PRPF40B: variants seen among roughly 807,000 people sequenced by gnomAD.
PRPF40B encodes the protein pre-mRNA-processing factor 40 homolog B.
In PRPF40B, 56 loss-of-function variants were observed where a neutral mutation model predicts 124.5. The ratio of observed to expected loss-of-function variants is 0.45; its 90% CI spans 0.36 to 0.56. The LOEUF is 0.56. PRPF40B is among the 20% of genes least tolerant of loss of function. PRPF40B has a pLI of 0.00. For missense variants in PRPF40B, 1,053 were observed against 1,169.5 expected (o/e 0.90, Z 1.45); for synonymous variants, 443 against 426.4 (o/e 1.04, Z -0.48).
intron 24 of PRPF40B, 22 bp downstream of exon 24, chr12:49,643,774 T>C: frequency 6.2e-7 from 1 of 1,613,716 alleles, no homozygotes; most frequent in Non-Finnish European, 8.5e-7. Flanking sequence ...AACTTCTACC[T>C]AAGCCCCTGC....
At chr12:49,625,434 G>A (rs1318856438) in intron 1 of PRPF40B, among the ~76,000 whole-genome samples, 1 of 152,238 alleles carries the variant, frequency 6.6e-6, no homozygotes, top group Admixed American at 6.5e-5. Context: ...ATGAGTGTTT[G>A]ACACAGTATC....
At chr12:49,629,639 T>C (rs1941043184) in intron 1 of PRPF40B, among the ~76,000 whole-genome samples, 1 of 152,202 alleles carries the variant, frequency 6.6e-6, no homozygotes, top group African/African-American at 2.4e-5. Context: ...GTTATTACAC[T>C]CTTGTTGGGG....
chr12:49,628,585 A>T (rs1200269864), intron 1 of PRPF40B, among the ~76,000 whole-genome samples: 1 of 114,968 alleles, frequency 8.7e-6, no homozygotes, highest in African/African-American at 3.4e-5. Flanking sequence ...TTTTTTGGAG[A>T]CGAAATCTCG....
chr12:49,634,261 G>A, intron 10 of PRPF40B, 71 bp from the exon 11 acceptor site: 10 of 1,609,904 alleles, frequency 6.2e-6, no homozygotes, highest in Non-Finnish European at 7.6e-6. Context: ...GTGATATGTT[G>A]CCAGGAGTTC....
chr12:49,635,405 G>A lies in PRPF40B; in HGVS notation c.1207G>A (p.Val403Met). 1 of 1,614,094 alleles carries A rather than the reference G, an allele frequency of 6.2e-7. No individual in the cohort carries two copies. Among genetic ancestry groups the A allele is most frequent in the Non-Finnish European group, 8.5e-7 (1 of 1,179,998 alleles). Residue 403 changes from valine (V) to methionine (M), a missense_variant, in exon 14 of 26, where the codon GTG becomes ATG. Val to Met is a conservative substitution (Grantham distance 21). This residue lies in a region of PRPF40B where 895 missense variants were observed against 1,052.2 expected (regional missense o/e 0.85). Coordinates refer to ENST00000548825, the MANE Select transcript of PRPF40B (RefSeq NM_001031698.3). This position sits in a 1 kb window ranked among gnomAD's most constrained non-coding sequence, Gnocchi z 4.1. ...QTFGELEVWA[V>M]VPERDRKEVY... ...CTTTGGGGAGCTGGAGGTCTGGGCT[G>A]TGGTCCCTGAGAGGGATCGAAAAGA... is the stretch of plus-strand genomic sequence containing the variant.
intron 1 of PRPF40B, among the ~76,000 whole-genome samples, chr12:49,628,455 C>T (rs148653763): frequency 1.3e-3 from 197 of 152,130 alleles, no homozygotes; most frequent in African/African-American, 4.3e-3. Context: ...GAGGTTTCAC[C>T]ATGTTGGCCA....
At position 49,644,396 on chromosome 12, in the gene PRPF40B, T is replaced by A. The variant is rs544813345; in HGVS notation, c.*204T>A. Reference sequence around the variant, plus strand: ...CTACTCCCTGGACTAGTGCAGTCCTTGCCCTCAGCCCCAGACCAGAGATGG... The same window carrying A: ...CTACTCCCTGGACTAGTGCAGTCCTAGCCCTCAGCCCCAGACCAGAGATGG... On this transcript the variant is annotated 3_prime_UTR_variant, in exon 26 of 26. Coordinates refer to ENST00000548825, the MANE Select transcript of PRPF40B (RefSeq NM_001031698.3). 1 of 605,314 alleles carries A rather than the reference T, an allele frequency of 1.7e-6. No homozygotes were observed. The highest frequency in any genetic ancestry group is 1.8e-5 in the African/African-American group (1 of 54,256). 37.5% of individuals were successfully genotyped at this position (605,314 alleles called of 1,614,324 possible). A position where few individuals can be genotyped will look rare whatever the true frequency, so the allele number is the denominator to read the frequency against.
At chr12:49,626,312 T>TATAC in intron 1 of PRPF40B, among the ~76,000 whole-genome samples, 1 of 152,194 alleles carries the variant, frequency 6.6e-6, no homozygotes, top group South Asian at 2.1e-4. Context: ...GGGGGAGGTA[T>TATAC]AAAAGGAGAA....
intron 24 of PRPF40B, 37 bp downstream of exon 24, chr12:49,643,789 T>C (rs778972841): frequency 6.2e-7 from 1 of 1,613,670 alleles, no homozygotes; most frequent in South Asian, 1.1e-5. Context: ...CCCTGCTATT[T>C]TGTGAGTTCT....
intron 15 of PRPF40B, 135 bp from the exon 16 acceptor site, chr12:49,636,581 C>T (rs1941834770): frequency 1.7e-6 from 2 of 1,174,422 alleles, no homozygotes; most frequent in Non-Finnish European, 2.4e-6. Context: ...CACAGAGCCC[C>T]CTCCAGGCCC....
At chr12:49,623,701 C>T in intron 1 of PRPF40B, 108 bp downstream of exon 1, 1 of 1,124,048 alleles carries the variant, frequency 8.9e-7, no homozygotes, top group Non-Finnish European at 1.1e-6. Flanking sequence ...TAGCTGGGAC[C>T]CCGGGGAGGG....
In PRPF40B at chr12:49,631,017, G is replaced by C. The variant is rs2138437682; in HGVS notation, c.85-384G>C. On this transcript the variant is annotated intron_variant, in intron 2 of 25. Transcript: ENST00000548825. This position sits in a 1 kb window ranked among gnomAD's most constrained non-coding sequence, Gnocchi z 4.3. ...TCATGAGTTGGAGAGAAAGGGATGG[G>C]AGGCAGGGGACTGGGGTACTTGGGT... Among the ~76,000 whole-genome samples, 1 of 152,330 alleles carries C rather than the reference G, an allele frequency of 6.6e-6. No individual in the cohort carries two copies. Among genetic ancestry groups the C allele is most frequent in the East Asian group, 1.9e-4 (1 of 5,190 alleles).
chr12:49,634,090 C>T lies in PRPF40B; in HGVS notation c.810C>T (p.Ser270=), dbSNP rs748742942. 119 of 1,611,708 alleles carry T rather than the reference C, an allele frequency of 7.4e-5. No homozygotes were observed. Among genetic ancestry groups the T allele is most frequent in the Non-Finnish European group, 9.7e-5 (115 of 1,179,530 alleles). The change falls in exon 10 of 26, where the codon AGC becomes AGT. Residue 270 remains serine, a splice_region_variant and synonymous_variant. Coordinates refer to ENST00000548825, the MANE Select transcript of PRPF40B (RefSeq NM_001031698.3). ...TGCAGCAGCTGGAGGAGGGCCCCAGCAGGTGAGGGCTGCCCCCCATGGCAT... is the reference window on the plus strand; with the variant it reads ...TGCAGCAGCTGGAGGAGGGCCCCAGTAGGTGAGGGCTGCCCCCCATGGCAT... The part of the protein sequence containing the change: ...GFLQQLEEGP[S]SSGQHQPQQE...
Position 49,644,525 on chromosome 12 carries a change from A to C in PRPF40B, c.*333A>C, listed in dbSNP as rs774452194. The stretch of plus-strand genomic sequence containing the variant: ...CTGTTGGACGCAGCCTGGGTGGCAG[A>C]GGGCAGGGTCATCACCCTCTAGCAT... On this transcript the variant is annotated 3_prime_UTR_variant, in exon 26 of 26. Coordinates refer to ENST00000548825, the MANE Select transcript of PRPF40B (RefSeq NM_001031698.3). 10 of 344,396 alleles carry C rather than the reference A, an allele frequency of 2.9e-5. No individual in the cohort carries two copies. Among genetic ancestry groups the C allele is most frequent in the African/African-American group, 1.0e-4 (5 of 47,940 alleles). The allele number at this position is 344,396 out of a possible 1,614,324, so 21.3% of individuals were successfully genotyped here.
rs754611355 is a variant in PRPF40B, at chr12:49,642,271, G to A, written c.1921G>A (p.Glu641Lys). ...EKAEARERER[E>K]KEEARRMRRR... is the part of the protein sequence containing the mutation. ...AGCAGAGGCACGGGAGAGGGAGCGG[G>A]AGAAGGAGGAGGCACGCAGGATGCG... Residue 641 changes from glutamate (E) to lysine (K), a missense_variant, in exon 20 of 26, where the codon GAG (glutamate) becomes AAG (lysine). Glu to Lys is a moderately conservative substitution (Grantham distance 56). Transcript: ENST00000548825. The surrounding 1 kb of genome is among the most constrained non-coding windows in gnomAD (Gnocchi z 5.8). 6 of 1,614,076 alleles carry A rather than the reference G, an allele frequency of 3.7e-6. No homozygotes were observed. The Admixed American group carries it at 5.0e-5, about 13-fold the overall frequency.
At position 49,635,088 on chromosome 12, in the gene PRPF40B, C is replaced by T; in HGVS notation, c.1002-11C>T. 1 of 1,609,156 alleles carries T rather than the reference C, an allele frequency of 6.2e-7. No homozygotes were observed. Among genetic ancestry groups the T allele is most frequent in the Non-Finnish European group, 8.5e-7 (1 of 1,178,078 alleles). ...TCTCTATCCCCACCCCACTCCTACC[C>T]TCTATCCCAGTGCCTTGCCTAAACT... On this transcript the variant is annotated splice_polypyrimidine_tract_variant and intron_variant, in intron 12 of 25. Transcript: ENST00000548825. This position sits in a 1 kb window ranked among gnomAD's most constrained non-coding sequence, Gnocchi z 4.1.
intron 18 of PRPF40B, chr12:49,640,492 A>G (rs547409570): frequency 6.6e-6 from 1 of 152,370 alleles, no homozygotes; most frequent in East Asian, 1.9e-4. Context: ...GTGAGGACAA[A>G]GAAGGCGGCC....
In PRPF40B at chr12:49,633,416, T is replaced by A. The variant is rs775973102; in HGVS notation, c.460-11T>A. The A allele has an allele frequency of 1.2e-6, 2 of 1,614,034 alleles. No homozygotes were observed. The highest frequency in any genetic ancestry group is 3.3e-4 in the Middle Eastern group (2 of 6,060). On this transcript the variant is annotated splice_polypyrimidine_tract_variant and intron_variant, in intron 7 of 25. Transcript: ENST00000548825. ...CATCCCACTGATGGCTCCTATCCCA[T>A]CCACTTGCAGCTGCTCCTGTCCCAA...
Position 49,631,646 on chromosome 12 carries a change from G to A in PRPF40B, c.228+102G>A. 1 of 1,422,416 alleles carries A rather than the reference G, an allele frequency of 7.0e-7. No homozygotes were observed. The highest frequency in any genetic ancestry group is 9.6e-7 in the Non-Finnish European group (1 of 1,039,172). 88.1% of individuals were successfully genotyped at this position (1,422,416 alleles called of 1,614,324 possible). A position where few individuals can be genotyped will look rare whatever the true frequency, so the allele number is the denominator to read the frequency against. On this transcript the variant is annotated intron_variant, in intron 3 of 25. Coordinates refer to ENST00000548825, the MANE Select transcript of PRPF40B (RefSeq NM_001031698.3). The surrounding 1 kb of genome is among the most constrained non-coding windows in gnomAD (Gnocchi z 4.3). ...AGGCCTCAGAAACTGGGGAAGGAAGGGAGCTTTGGGCCAAACCCATGTGGA... is the reference window on the plus strand; with the variant it reads ...AGGCCTCAGAAACTGGGGAAGGAAGAGAGCTTTGGGCCAAACCCATGTGGA...
Sources: allele counts gnomAD v4.1 joint callset (sites outside exome capture counted in the v4.1 genomes callset), GRCh38; gene constraint gnomAD v4.1.1; regional missense constraint gnomAD v4.1.1; non-coding constraint Gnocchi (gnomAD v3.1); transcripts MANE v1.5; gene names NCBI Gene and HGNC (gene_info 2026-07-23, HGNC 2026-07-21).